MFHAS1: variants seen among roughly 807,000 people sequenced by gnomAD.
MFHAS1 encodes the protein malignant fibrous histiocytoma-amplified sequence 1.
Under a neutral mutation model 70.4 loss-of-function variants are expected in MFHAS1, and 50 were observed. That is an observed-to-expected ratio of 0.71 (90% CI 0.57 to 0.90). The LOEUF (loss-of-function observed/expected upper bound fraction) is 0.90. MFHAS1 is among the 40% of genes least tolerant of loss of function. MFHAS1 has a pLI of 0.00. For synonymous variants in MFHAS1, 952 were observed against 620.0 expected, an observed-to-expected ratio of 1.54 and a Z score of -7.96; for missense variants, 1,795 against 1,347.6, an observed-to-expected ratio of 1.33 and a Z score of -5.20.
In MFHAS1 at chr8:8,891,607, A is replaced by G; in HGVS notation, c.1452T>C (p.Tyr484=). 1.2e-6 allele frequency: 2 copies of G among 1,613,498 alleles called. No individual in the cohort carries two copies. Among genetic ancestry groups the G allele is most frequent in the Non-Finnish European group, 1.7e-6 (2 of 1,180,016 alleles). The change falls in exon 1 of 3, where the codon TAT becomes TAC. Residue 484 remains tyrosine (Y), a synonymous_variant. Transcript: ENST00000276282. This position sits in a 1 kb window ranked among gnomAD's most constrained non-coding sequence, Gnocchi z 5.4. ...ACAGGAAGAAGGGCTGGATCACCTC[A>G]TAACTTTCATCCCCAGCTAAGTCAT... is the stretch of plus-strand genomic sequence containing the variant. ...IVYDLAGDES[Y]EVIQPFFLSP...
chr8:8,816,651 A>G (rs1283497306), intron 1 of MFHAS1, among the ~76,000 whole-genome samples: 3 of 152,246 alleles, frequency 2.0e-5, no homozygotes. Flanking sequence ...AGCTCTACGC[A>G]AACATGTAGA....
In MFHAS1 at chr8:8,890,361, C is replaced by A; in HGVS notation, c.2698G>T (p.Val900Phe). 1 of 1,614,172 alleles carries A rather than the reference C, an allele frequency of 6.2e-7. No homozygotes were observed. Among genetic ancestry groups the A allele is most frequent in the South Asian group, 1.1e-5 (1 of 91,080 alleles). The change falls in exon 1 of 3, where the codon GTC becomes TTC. Residue 900 changes from valine to phenylalanine, a missense_variant. By Grantham distance (50) the Val-to-Phe change is conservative (BLOSUM62 -1). Transcript: ENST00000276282. ...TGCACCACATGGCTGTTGATCTGGA[C>A]ACTGTAGCGTGCAAACAACCCAAGT... is the stretch of plus-strand genomic sequence containing the variant. ...FPLGLFARYS[V>F]QINSHVVHRS...
chr8:8,842,135 C>T (rs1389691974), intron 1 of MFHAS1, among the ~76,000 whole-genome samples: 2 of 152,080 alleles, frequency 1.3e-5, no homozygotes, highest in Non-Finnish European at 2.9e-5. Context: ...AGAAGCAGCA[C>T]GACCCACCCT....
At chr8:8,816,280 C>CTA (rs1806742858) in intron 1 of MFHAS1, among the ~76,000 whole-genome samples, 1 of 152,158 alleles carries the variant, frequency 6.6e-6, no homozygotes, top group Non-Finnish European at 1.5e-5. Flanking sequence ...GGACCCTCAA[C>CTA]TATGCATTTT....
intron 1 of MFHAS1, among the ~76,000 whole-genome samples, chr8:8,826,543 G>A (rs1807170524): frequency 1.3e-5 from 2 of 152,142 alleles, no homozygotes; most frequent in African/African-American, 4.8e-5. Context: ...GACCTGCCTG[G>A]CCAACACGGC....
At chr8:8,839,608 C>T (rs1807727701) in intron 1 of MFHAS1, among the ~76,000 whole-genome samples, 2 of 152,218 alleles carry the variant, frequency 1.3e-5, no homozygotes, top group Admixed American at 6.5e-5. Context: ...CATAAGCTTG[C>T]TCTGCAGATC....
At position 8,828,574 on chromosome 8, in the gene MFHAS1, G is replaced by A. The variant is rs1005935152; in HGVS notation, c.2999-31083C>T. Among the ~76,000 whole-genome samples the A allele has an allele frequency of 2.0e-5, 3 of 152,144 alleles. 1 individual carries two copies. Among genetic ancestry groups the A allele is most frequent in the Admixed American group, 1.3e-4 (2 of 15,284 alleles). ...GAGCCTGCAATTCAGTTTCAGACAC[G>A]ACCAGTTAAGGGGAATATCAACTAG... On this transcript the variant is annotated intron_variant, in intron 1 of 2. Coordinates refer to ENST00000276282, the MANE Select transcript of MFHAS1 (RefSeq NM_004225.3).
chr8:8,803,332 T>C (rs1806148745), intron 1 of MFHAS1, among the ~76,000 whole-genome samples: 1 of 151,636 alleles, frequency 6.6e-6, no homozygotes, highest in African/African-American at 2.4e-5. Context: ...CTGGCCAACA[T>C]GGTGAAACCC....
rs774423073 is a variant in MFHAS1 at position 8,891,216 on chromosome 8, T to C, written c.1843A>G (p.Asn615Asp). The C allele has an allele frequency of 1.7e-4, 276 of 1,612,462 alleles. 2 individuals carry two copies. The highest frequency in any genetic ancestry group is 1.1e-5 in the Non-Finnish European group (13 of 1,180,014). Reference protein sequence around the residue: ...RRKAHFQYLLNHRLQILSPVL... With the variant: ...RRKAHFQYLLDHRLQILSPVL... The stretch of plus-strand genomic sequence containing the variant: ...GGGGAGAGGATCTGCAGCCGGTGGT[T>C]GAGCAGGTATTGAAAATGGGCCTTG... Residue 615 changes from asparagine (N) to aspartate (D), a missense_variant, in exon 1 of 3, where the codon AAC becomes GAC. By Grantham distance (23) the Asn-to-Asp change is conservative. Transcript: ENST00000276282. The surrounding 1 kb of genome is among the most constrained non-coding windows in gnomAD (Gnocchi z 5.4).
intron 1 of MFHAS1, among the ~76,000 whole-genome samples, chr8:8,842,988 G>A (rs570130246): frequency 1.3e-5 from 2 of 152,142 alleles, no homozygotes; most frequent in African/African-American, 2.4e-5. Context: ...GAAAGAGGCC[G>A]GGCGCGGTGG....
chr8:8,786,528 G>A (rs1047451640), intron 2 of MFHAS1, among the ~76,000 whole-genome samples: 1 of 152,152 alleles, frequency 6.6e-6, no homozygotes, highest in African/African-American at 2.4e-5. Context: ...AATGTTATAA[G>A]TTAAGTTGTC....
At position 8,890,246 on chromosome 8, in the gene MFHAS1, G is replaced by A. The variant is rs773424951; in HGVS notation, c.2813C>T (p.Pro938Leu). The A allele has an allele frequency of 2.5e-6, 4 of 1,614,146 alleles. No homozygotes were observed. Among genetic ancestry groups the A allele is most frequent in the East Asian group, 4.5e-5 (2 of 44,888 alleles). ...SYRPARGVLQPDTLSIASHAS... is the reference protein window; with the variant it reads ...SYRPARGVLQLDTLSIASHAS... Reference sequence around the variant, plus strand: ...ATGGCTAGCAATGGACAGGGTGTCTGGCTGCAGGACTCCCCTGGCAGGTCT... The same window carrying A: ...ATGGCTAGCAATGGACAGGGTGTCTAGCTGCAGGACTCCCCTGGCAGGTCT... The change falls in exon 1 of 3, where the codon CCA becomes CTA. Residue 938 changes from proline to leucine, a missense_variant. By Grantham distance (98) the Pro-to-Leu change is moderately conservative. Transcript: ENST00000276282.
chr8:8,803,854 C>T (rs1029212029), intron 1 of MFHAS1, among the ~76,000 whole-genome samples: 1 of 152,114 alleles, frequency 6.6e-6, no homozygotes, highest in Non-Finnish European at 1.5e-5. Flanking sequence ...TGCCTGTAAT[C>T]TCAGCTACTC....
chr8:8,850,652 T>C (rs1459256594), intron 1 of MFHAS1, among the ~76,000 whole-genome samples: 1 of 151,970 alleles, frequency 6.6e-6, no homozygotes, highest in Non-Finnish European at 1.5e-5. Flanking sequence ...CTGGCCAACA[T>C]GGCAAAACCC....
chr8:8,838,507 G>A (rs1400316681), intron 1 of MFHAS1, among the ~76,000 whole-genome samples: 1 of 152,080 alleles, frequency 6.6e-6, no homozygotes, highest in Non-Finnish European at 1.5e-5. Context: ...CTTCTAATAA[G>A]CCTCACATAA....
In MFHAS1 at chr8:8,892,020, G is replaced by C; in HGVS notation, c.1039C>G (p.Leu347Val). 1.9e-6 allele frequency: 3 copies of C among 1,613,580 alleles called. No individual in the cohort carries two copies. The highest frequency in any genetic ancestry group is 1.7e-6 in the Non-Finnish European group (2 of 1,180,020). The change falls in exon 1 of 3, where the codon CTC (leucine) becomes GTC (valine). Residue 347 changes from leucine to valine, a missense_variant. Transcript: ENST00000276282. This position sits in a 1 kb window ranked among gnomAD's most constrained non-coding sequence, Gnocchi z 4.7. ...GCGATCTGGTTCCCCTGCAGCACGA[G>C]CTCCTCCAGGCCGGTCAGCTCCACG... ...SIVELTGLEE[L>V]VLQGNQIAVL...
chr8:8,862,557 T>C (rs1048084760), intron 1 of MFHAS1, among the ~76,000 whole-genome samples: 3 of 151,870 alleles, frequency 2.0e-5, no homozygotes, highest in Admixed American at 6.6e-5. Context: ...AAAGAAAAAA[T>C]GTCTGCTGTT....
At chr8:8,850,003 G>C (rs956062467) in intron 1 of MFHAS1, among the ~76,000 whole-genome samples, 1 of 152,256 alleles carries the variant, frequency 6.6e-6, no homozygotes, top group Non-Finnish European at 1.5e-5. Flanking sequence ...TGAAGCCTCA[G>C]AGAGAGTTTG....
rs1328499417 is a variant in MFHAS1, at chr8:8,783,646, G to A, written c.*2376C>T. ...AGTGGTTTTGATACCACAAGTTGCA[G>A]GAATAGAAACCCTAACAAACTTGGA... On this transcript the variant is annotated 3_prime_UTR_variant, in exon 3 of 3. Transcript: ENST00000276282. 1.3e-5 allele frequency: 2 copies of A among 152,134 alleles called. No homozygotes were observed. Among genetic ancestry groups the A allele is most frequent in the Non-Finnish European group, 2.9e-5 (2 of 68,020 alleles). 9.4% of individuals were successfully genotyped at this position (152,134 alleles called of 1,614,324 possible).
Sources: allele counts gnomAD v4.1 joint callset (sites outside exome capture counted in the v4.1 genomes callset), GRCh38; gene constraint gnomAD v4.1.1; non-coding constraint Gnocchi (gnomAD v3.1); transcripts MANE v1.5; gene names NCBI Gene and HGNC (gene_info 2026-07-23, HGNC 2026-07-21).